LONP1: variants seen among roughly 807,000 people sequenced by gnomAD.
LONP1 encodes lon protease homolog, mitochondrial.
In LONP1, 31 loss-of-function variants were observed where a neutral mutation model predicts 98.5. That is an observed-to-expected ratio of 0.31 (90% CI 0.24 to 0.42). The LOEUF (loss-of-function observed/expected upper bound fraction) is 0.42, where lower values mean the gene tolerates loss of function less well. Among genes scored for constraint, LONP1 ranks in the 20% least tolerant of loss-of-function variants. The pLI, the probability that LONP1 is intolerant of heterozygous loss-of-function variation, is 1.00. For synonymous variants in LONP1, 781 were observed against 594.7 expected, an observed-to-expected ratio of 1.31 and a Z score of -4.56; for missense variants, 1,336 against 1,350.6, an observed-to-expected ratio of 0.99 and a Z score of 0.17.
chr19:5,707,256 A>G (rs1048735202), intron 6 of LONP1, 113 bp from the exon 7 acceptor site: 2 of 812,108 alleles, frequency 2.5e-6, no homozygotes, highest in East Asian at 2.6e-5. Context: ...GGACCTGGCC[A>G]TGCTGTACCC....
intron 10 of LONP1, among the ~76,000 whole-genome samples, chr19:5,698,054 C>T (rs1278567066): frequency 7.0e-6 from 1 of 142,540 alleles, no homozygotes; most frequent in Non-Finnish European, 1.5e-5. Flanking sequence ...CAGAACAGGT[C>T]CCCTGTCCTC....
chr19:5,714,332 T>G (rs1013209702), intron 1 of LONP1, 61 bp from the exon 2 acceptor site: 1 of 1,160,408 alleles, frequency 8.6e-7, no homozygotes, highest in Non-Finnish European at 1.3e-6. Context: ...AGACAGAGTC[T>G]CATTCTGTTG....
intron 13 of LONP1, among the ~76,000 whole-genome samples, chr19:5,695,395 A>G (rs1047044482): frequency 3.9e-5 from 6 of 151,962 alleles, no homozygotes; most frequent in Non-Finnish European, 8.8e-5. Flanking sequence ...TGCCACTGAT[A>G]CTGGGGGGCA....
intron 4 of LONP1, 65 bp from the exon 5 acceptor site, chr19:5,708,468 G>GGGGGGGGGGGGA: frequency 1.5e-5 from 8 of 551,250 alleles, no homozygotes; most frequent in East Asian, 9.5e-5. Flanking sequence ...GGCTGGGTGG[G>GGGGGGGGGGGGA]AGCATGGCCC....
At position 5,714,153 on chromosome 19, in the gene LONP1, A is replaced by G. The variant is rs1447307499; in HGVS notation, c.518+30T>C. ...TGAGCTGGACTCTAGGGCACCGTCA[A>G]CAAGGGAATGAAGGAAAAATCACAC... On this transcript the variant is annotated intron_variant, in intron 2 of 17. Coordinates refer to ENST00000360614, the MANE Select transcript of LONP1 (RefSeq NM_004793.4). The G allele has an allele frequency of 1.9e-6, 3 of 1,575,026 alleles. No homozygotes were observed. In the East Asian group the frequency reaches 6.7e-5, roughly 35 times the overall value.
intron 1 of LONP1, among the ~76,000 whole-genome samples, chr19:5,716,802 AT>A (rs911817979): frequency 1.3e-5 from 2 of 151,618 alleles, no homozygotes; most frequent in Non-Finnish European, 1.5e-5. Flanking sequence ...GAGGGAAGCA[AT>A]TTTTTTTTAA....
chr19:5,713,031 T>G, intron 3 of LONP1, 103 bp downstream of exon 3: 1 of 1,532,874 alleles, frequency 6.5e-7, no homozygotes, highest in Non-Finnish European at 9.0e-7. Flanking sequence ...GCCGCTGGGC[T>G]GACGGACAGG....
intron 11 of LONP1, 129 bp from the exon 12 acceptor site, chr19:5,696,500 C>T (rs961489042): frequency 1.4e-5 from 19 of 1,382,530 alleles, no homozygotes; most frequent in African/African-American, 8.6e-5. Context: ...CTTGGACGGG[C>T]AGCCTGCTGG....
intron 5 of LONP1, 36 bp from the exon 6 acceptor site, chr19:5,707,862 C>T (rs768671792): frequency 1.9e-6 from 3 of 1,608,986 alleles, no homozygotes; most frequent in African/African-American, 1.3e-5. Flanking sequence ...GTGGCCAGGG[C>T]CTCACGCTCT....
chr19:5,714,158 G>C, intron 2 of LONP1, 25 bp downstream of exon 2: 1 of 1,585,196 alleles, frequency 6.3e-7, no homozygotes, highest in Non-Finnish European at 8.7e-7. Context: ...CGTCAACAAG[G>C]GAATGAAGGA....
At chr19:5,708,468 G>GGT in intron 4 of LONP1, 65 bp from the exon 5 acceptor site, 2 of 551,266 alleles carry the variant, frequency 3.6e-6, no homozygotes, top group Non-Finnish European at 6.8e-6. Flanking sequence ...GGCTGGGTGG[G>GGT]AGCATGGCCC....
rs751275318 is a variant in LONP1, at chr19:5,696,104, T to A, written c.1963A>T (p.Met655Leu). 1 of 1,613,052 alleles carries A rather than the reference T, an allele frequency of 6.2e-7. No individual in the cohort carries two copies. The highest frequency in any genetic ancestry group is 1.1e-5 in the South Asian group (1 of 91,078). The change falls in exon 13 of 18, where the codon ATG (methionine) becomes TTG (leucine). Residue 655 changes from methionine to leucine, a missense_variant. Coordinates refer to ENST00000360614, the MANE Select transcript of LONP1 (RefSeq NM_004793.4). The stretch of plus-strand genomic sequence containing the variant: ...GCCACGTAGCCCGACACGTTGATCA[T>A]CTCCATACGGTCTCGCAGCGGCTCG... Reference protein sequence around the residue: ...IPEPLRDRMEMINVSGYVAQE... With the variant: ...IPEPLRDRMELINVSGYVAQE...
rs749947894 is a variant in LONP1 at position 5,720,072 on chromosome 19, G to C, written c.61C>G (p.Arg21Gly). 2.0e-6 allele frequency: 3 copies of C among 1,515,952 alleles called. No individual in the cohort carries two copies. The Admixed American group carries it at 6.3e-5, about 32-fold the overall frequency. 93.9% of individuals were successfully genotyped at this position (1,515,952 alleles called of 1,614,324 possible). A position where few individuals can be genotyped will look rare whatever the true frequency, so the allele number is the denominator to read the frequency against. Residue 21 changes from arginine to glycine, a missense_variant, in exon 1 of 18, where the codon CGG becomes GGG. Arg to Gly is a moderately radical substitution (Grantham distance 125). Transcript: ENST00000360614. ...WGAARCWVLRRPMLAAAGGRV... is the reference protein window; with the variant it reads ...WGAARCWVLRGPMLAAAGGRV... ...CCCCCGGCGGCGGCCAGCATCGGCC[G>C]CCGCAGCACCCAGCACCGCGCCGCT...
At chr19:5,696,200 T>C (rs1342695799) in intron 12 of LONP1, 30 bp from the exon 13 acceptor site, 1 of 1,612,600 alleles carries the variant, frequency 6.2e-7, no homozygotes, top group Non-Finnish European at 8.5e-7. Flanking sequence ...GCTGGGGGAC[T>C]GGCCGCTTAC....
chr19:5,716,259 C>CATATACATATATATATATAT (rs2055317993), intron 1 of LONP1, among the ~76,000 whole-genome samples: 1 of 77,232 alleles, frequency 1.3e-5, no homozygotes, highest in Non-Finnish European at 2.3e-5. Flanking sequence ...TTAAAATATA[C>CATATACATATATATATATAT]ATATATATAT....
At chr19:5,696,802 C>G (rs369256803) in intron 10 of LONP1, 45 bp from the exon 11 acceptor site, 2 of 1,361,296 alleles carry the variant, frequency 1.5e-6, no homozygotes, top group Middle Eastern at 1.8e-4. Flanking sequence ...TAGCCTGGCT[C>G]GGCCACAACG....
At position 5,694,760 on chromosome 19, in the gene LONP1, CCTT is replaced by C. The variant is rs2054895649; in HGVS notation, c.2152_2154del (p.Lys718del). 1.3e-6 allele frequency: 2 copies of C among 1,588,078 alleles called. No individual in the cohort carries two copies. The highest frequency in any genetic ancestry group is 1.3e-5 in the African/African-American group (1 of 74,468). Reference sequence around the variant, plus strand: ...GCCAGGAGGGCGGGCTGGCCGCTCACCTTCTCCACTTGCTTCTGCAGGTTGCGG... The same window carrying C: ...GCCAGGAGGGCGGGCTGGCCGCTCACCTCCACTTGCTTCTGCAGGTTGCGG... On this transcript the variant is annotated inframe_deletion and splice_region_variant, in exon 14 of 18. Coordinates refer to ENST00000360614, the MANE Select transcript of LONP1 (RefSeq NM_004793.4).
intron 1 of LONP1, among the ~76,000 whole-genome samples, chr19:5,717,843 T>C: frequency 6.6e-6 from 1 of 151,684 alleles, no homozygotes; most frequent in Admixed American, 6.6e-5. Context: ...GCCTTCCAAG[T>C]AGCTGGGAAG....
chr19:5,701,068 C>T (rs973670208), intron 8 of LONP1, 141 bp from the exon 9 acceptor site: 20 of 886,776 alleles, frequency 2.3e-5, no homozygotes, highest in Non-Finnish European at 3.6e-5. Context: ...AATCCCAGCT[C>T]TTTGGGAGGC....
Sources: allele counts gnomAD v4.1 joint callset (sites outside exome capture counted in the v4.1 genomes callset), GRCh38; gene constraint gnomAD v4.1.1; transcripts MANE v1.5; gene names NCBI Gene and HGNC (gene_info 2026-07-23, HGNC 2026-07-21).